Variants in ZBTB8B observed in about 807,000 individuals in gnomAD.
The protein encoded by ZBTB8B is zinc finger and BTB domain containing 8B, also known as zinc finger and BTB domain-containing protein 8B.
In ZBTB8B, 17 loss-of-function variants were observed where a neutral mutation model predicts 30.3. That is an observed-to-expected ratio of 0.56 (90% CI 0.38 to 0.84). ZBTB8B has a LOEUF of 0.84. ZBTB8B is among the 40% of genes least tolerant of loss of function. The probability of loss-of-function intolerance (pLI) is 0.00; values close to 1 mark genes in which losing one functional copy is unlikely to be tolerated. For missense variants in ZBTB8B, 515 were observed against 644.9 expected (o/e 0.80, Z 2.18); for synonymous variants, 248 against 255.6 (o/e 0.97, Z 0.28).
At position 32,486,080 on chromosome 1, in the gene ZBTB8B, G is replaced by A. The variant is rs766963194; in HGVS notation, c.*662G>A. ...ATTTTAAGTTAGCCCTGAGAAGGGAGGCTATGACCCCAGGTCTGGATGGTT... is the reference window on the plus strand; with the variant it reads ...ATTTTAAGTTAGCCCTGAGAAGGGAAGCTATGACCCCAGGTCTGGATGGTT... On this transcript the variant is annotated 3_prime_UTR_variant, in exon 4 of 4. Coordinates refer to ENST00000609129, the MANE Select transcript of ZBTB8B (RefSeq NM_001145720.2). 5 of 152,554 alleles carry A rather than the reference G, an allele frequency of 3.3e-5. No individual in the cohort carries two copies. The highest frequency in any genetic ancestry group is 7.3e-5 in the Non-Finnish European group (5 of 68,326). 9.5% of individuals were successfully genotyped at this position (152,554 alleles called of 1,614,324 possible).
rs1643797894 is a variant in ZBTB8B, at chr1:32,493,864, G to A, written c.*8446G>A. 1 of 152,038 alleles carries A rather than the reference G, an allele frequency of 6.6e-6. No homozygotes were observed. The highest frequency in any genetic ancestry group is 2.4e-5 in the African/African-American group (1 of 41,384). The allele number at this position is 152,038 out of a possible 1,614,324, so 9.4% of individuals were successfully genotyped here. On this transcript the variant is annotated 3_prime_UTR_variant, in exon 4 of 4. Coordinates refer to ENST00000609129, the MANE Select transcript of ZBTB8B (RefSeq NM_001145720.2). ...ATGGGGAGGAGCCCCACTGCATCTG[G>A]AGTGGGTCTTGGCTGGCCATGTGAA... is the stretch of plus-strand genomic sequence containing the variant.
At chr1:32,481,801 C>A (rs1472010011) in intron 3 of ZBTB8B, among the ~76,000 whole-genome samples, 1 of 152,076 alleles carries the variant, frequency 6.6e-6, no homozygotes, top group East Asian at 1.9e-4. Flanking sequence ...CCGTTTCCTT[C>A]TTTGTGTTCA....
At position 32,471,346 on chromosome 1, in the gene ZBTB8B, A is replaced by C; in HGVS notation, c.722A>C (p.Asp241Ala). The change falls in exon 2 of 4, where the codon GAC (aspartate) becomes GCC (alanine). Residue 241 changes from aspartate (D) to alanine (A), a missense_variant. Physicochemically the swap from Asp to Ala is moderately radical, Grantham distance 126 (BLOSUM62 -2). Coordinates refer to ENST00000609129, the MANE Select transcript of ZBTB8B (RefSeq NM_001145720.2). ...TTTGATGCTGATGAAGTGGAGGTGG[A>C]CGTTGGTGAACAGCTGCAGCAGTAT... ...VEFDADEVEV[D>A]VGEQLQQYAA... 6.4e-7 allele frequency: 1 copy of C among 1,551,790 alleles called. No individual in the cohort carries two copies. Among genetic ancestry groups the C allele is most frequent in the Non-Finnish European group, 8.7e-7 (1 of 1,147,008 alleles).
intron 2 of ZBTB8B, among the ~76,000 whole-genome samples, chr1:32,477,163 A>G (rs1377661785): frequency 6.6e-6 from 1 of 152,192 alleles, no homozygotes; most frequent in African/African-American, 2.4e-5. Flanking sequence ...TCTTCTGTGA[A>G]ATCTTCTCTG....
chr1:32,485,428 G>T lies in ZBTB8B; in HGVS notation c.*10G>T. 1 of 1,544,488 alleles carries T rather than the reference G, an allele frequency of 6.5e-7. No homozygotes were observed. The highest frequency in any genetic ancestry group is 1.2e-5 in the South Asian group (1 of 83,846). On this transcript the variant is annotated 3_prime_UTR_variant, in exon 4 of 4. Coordinates refer to ENST00000609129, the MANE Select transcript of ZBTB8B (RefSeq NM_001145720.2). The stretch of plus-strand genomic sequence containing the variant: ...AGAGACACTTACGTAGCAATAAATT[G>T]GTGGGGAAGAGGAGGTTTTAAAACT...
rs1643620180 is a variant in ZBTB8B at position 32,471,442 on chromosome 1, G to A, written c.818G>A (p.Ser273Asn). The change falls in exon 2 of 4, where the codon AGC becomes AAC. Residue 273 changes from serine to asparagine, a missense_variant. Physicochemically the swap from Ser to Asn is conservative, Grantham distance 46. Around this residue, in one of 3 missense-constraint regions of ZBTB8B, gnomAD observed 429 missense variants for 504.3 expected, o/e 0.85. Coordinates refer to ENST00000609129, the MANE Select transcript of ZBTB8B (RefSeq NM_001145720.2). ...GGCCAGGCGGTTGACTTGGCTTACA[G>A]CAACTACCACGTGAAGCAGTTCCTG... The part of the protein sequence containing the change: ...PSGQAVDLAY[S>N]NYHVKQFLEA... 1 of 1,551,736 alleles carries A rather than the reference G, an allele frequency of 6.4e-7. No individual in the cohort carries two copies. Among genetic ancestry groups the A allele is most frequent in the South Asian group, 1.2e-5 (1 of 84,072 alleles).
rs745934345 is a variant in ZBTB8B at position 32,485,096 on chromosome 1, T to A, written c.1171-5T>A. 6.4e-7 allele frequency: 1 copy of A among 1,550,936 alleles called. No homozygotes were observed. Reference sequence around the variant, plus strand: ...GACATCTACTGTGTCTGCTTGTGATTACAGGTCCACAGATCCAACCGTCCA... The same window carrying A: ...GACATCTACTGTGTCTGCTTGTGATAACAGGTCCACAGATCCAACCGTCCA... On this transcript the variant is annotated splice_region_variant and splice_polypyrimidine_tract_variant and intron_variant, in intron 3 of 3. Coordinates refer to ENST00000609129, the MANE Select transcript of ZBTB8B (RefSeq NM_001145720.2).
At chr1:32,482,955 C>T (rs991966079) in intron 3 of ZBTB8B, among the ~76,000 whole-genome samples, 5 of 151,710 alleles carry the variant, frequency 3.3e-5, no homozygotes, top group African/African-American at 7.3e-5. Context: ...ACTAGGACTG[C>T]GCTAATTGTG....
intron 1 of ZBTB8B, among the ~76,000 whole-genome samples, chr1:32,466,409 T>TGCCA (rs1643570847): frequency 6.6e-6 from 1 of 152,184 alleles, no homozygotes; most frequent in Admixed American, 6.5e-5. Flanking sequence ...TGAATTGAGT[T>TGCCA]GGAACCGTGG....
chr1:32,485,394 A>G lies in ZBTB8B; in HGVS notation c.1464A>G (p.Leu488=), dbSNP rs1261230324. ...ACAAACCACAAATTCAGCCTAACTTATCAGACCGAGAGACACTTACGTAGC... is the reference window on the plus strand; with the variant it reads ...ACAAACCACAAATTCAGCCTAACTTGTCAGACCGAGAGACACTTACGTAGC... The part of the protein sequence containing the change: ...SDDKPQIQPN[L]SDRETLT Residue 488 remains leucine (L), a synonymous_variant, in exon 4 of 4, where the codon TTA becomes TTG. Transcript: ENST00000609129. 1 of 1,551,880 alleles carries G rather than the reference A, an allele frequency of 6.4e-7. No homozygotes were observed. The highest frequency in any genetic ancestry group is 1.2e-5 in the South Asian group (1 of 84,054).
Position 32,485,110 on chromosome 1 carries a change from T to A in ZBTB8B, c.1180T>A (p.Ser394Thr). Residue 394 changes from serine to threonine, a missense_variant, in exon 4 of 4, where the codon TCC (serine) becomes ACC (threonine). Ser to Thr is a moderately conservative substitution (Grantham distance 58). This residue lies in a region of ZBTB8B where 429 missense variants were observed against 504.3 expected (regional missense o/e 0.85). Transcript: ENST00000609129. ...LRSHALSVHR[S>T]NRPIICKGCR... ...CTGCTTGTGATTACAGGTCCACAGA[T>A]CCAACCGTCCAATCATCTGCAAGGG... 6.4e-7 allele frequency: 1 copy of A among 1,551,812 alleles called. No homozygotes were observed. Among genetic ancestry groups the A allele is most frequent in the South Asian group, 1.2e-5 (1 of 84,056 alleles).
At position 32,471,539 on chromosome 1, in the gene ZBTB8B, A is replaced by G. The variant is rs61735339; in HGVS notation, c.915A>G (p.Glu305=). ...DADHHFSRSL[E]GRPEGAGVAM... ...ACCATCACTTTTCTAGGAGTTTGGA[A>G]GGAAGACCAGAAGGTGCAGGAGTAG... The change falls in exon 2 of 4, where the codon GAA becomes GAG. Residue 305 remains glutamate (E), a synonymous_variant. Transcript: ENST00000609129. 2,675 of 1,551,778 alleles carry G rather than the reference A, an allele frequency of 1.7e-3. 30 individuals carry two copies. In the African/African-American group the frequency reaches 0.03, roughly 17 times the overall value.
chr1:32,482,368 A>G (rs1335226073), intron 3 of ZBTB8B, among the ~76,000 whole-genome samples: 2 of 151,980 alleles, frequency 1.3e-5, no homozygotes, highest in Non-Finnish European at 2.9e-5. Flanking sequence ...TCTTCAATGG[A>G]CGCTCTTAAG....
rs1379278087 is a variant in ZBTB8B, at chr1:32,493,402, A to C, written c.*7984A>C. On this transcript the variant is annotated 3_prime_UTR_variant, in exon 4 of 4. Transcript: ENST00000609129. The stretch of plus-strand genomic sequence containing the variant: ...GTGATCTGCCTGCCTCAGCCTCCCA[A>C]AGTGCTGGGATTACAGGCGTGAGCC... The C allele has an allele frequency of 6.6e-6, 1 of 151,874 alleles. No individual in the cohort carries two copies. The highest frequency in any genetic ancestry group is 1.5e-5 in the Non-Finnish European group (1 of 67,962). The allele number at this position is 151,874 out of a possible 1,614,324, so 9.4% of individuals were successfully genotyped here. A position where few individuals can be genotyped will look rare whatever the true frequency, so the allele number is the denominator to read the frequency against.
chr1:32,465,376 A>G lies in ZBTB8B; in HGVS notation c.-42+271A>G, dbSNP rs900537562. Among the ~76,000 whole-genome samples the G allele has an allele frequency of 2.6e-5, 4 of 152,216 alleles. No homozygotes were observed. The highest frequency in any genetic ancestry group is 3.9e-4 in the East Asian group (2 of 5,186). On this transcript the variant is annotated intron_variant, in intron 1 of 3. Transcript: ENST00000609129. The surrounding 1 kb of genome is among the most constrained non-coding windows in gnomAD (Gnocchi z 4.1). The stretch of plus-strand genomic sequence containing the variant: ...CCAGCCGGGGGTCGCGGCGCCGACT[A>G]CTTCCACGGTGAATGGTGCCCAGGC...
intron 1 of ZBTB8B, among the ~76,000 whole-genome samples, chr1:32,468,860 C>CAA (rs770677035): frequency 1.2e-4 from 15 of 126,712 alleles, no homozygotes; most frequent in African/African-American, 3.7e-4. Flanking sequence ...GAATCTGTCT[C>CAA]AAAAAAAAAA....
intron 3 of ZBTB8B, among the ~76,000 whole-genome samples, chr1:32,483,450 C>A (rs1439407866): frequency 1.3e-5 from 2 of 151,068 alleles, no homozygotes; most frequent in African/African-American, 2.4e-5. Flanking sequence ...AAAACAACAA[C>A]AAAAAAACAT....
intron 1 of ZBTB8B, among the ~76,000 whole-genome samples, chr1:32,469,545 G>A (rs1039534516): frequency 5.3e-5 from 8 of 152,156 alleles, no homozygotes; most frequent in South Asian, 2.1e-4. Flanking sequence ...GTGAGCCACC[G>A]TGCCTGGCCT....
At position 32,488,585 on chromosome 1, in the gene ZBTB8B, A is replaced by C. The variant is rs1643760866; in HGVS notation, c.*3167A>C. 1 of 152,136 alleles carries C rather than the reference A, an allele frequency of 6.6e-6. No individual in the cohort carries two copies. Among genetic ancestry groups the C allele is most frequent in the Non-Finnish European group, 1.5e-5 (1 of 68,026 alleles). The allele number at this position is 152,136 out of a possible 1,614,324, so 9.4% of individuals were successfully genotyped here. The stretch of plus-strand genomic sequence containing the variant: ...GGCATCTAGTGGGTAGAGGCCAGGG[A>C]AGCTGCCAAACATCCTGAAATGCAC... On this transcript the variant is annotated 3_prime_UTR_variant, in exon 4 of 4. Coordinates refer to ENST00000609129, the MANE Select transcript of ZBTB8B (RefSeq NM_001145720.2).
Sources: allele counts gnomAD v4.1 joint callset (sites outside exome capture counted in the v4.1 genomes callset), GRCh38; gene constraint gnomAD v4.1.1; regional missense constraint gnomAD v4.1.1; non-coding constraint Gnocchi (gnomAD v3.1); transcripts MANE v1.5; gene names NCBI Gene and HGNC (gene_info 2026-07-23, HGNC 2026-07-21).